Variants in SPRYD4 observed in about 807,000 individuals in gnomAD.
The protein encoded by SPRYD4 is SPRY domain containing 4.
Under a neutral mutation model 16.6 loss-of-function variants are expected in SPRYD4, and 12 were observed. The ratio of observed to expected loss-of-function variants is 0.72; its 90% CI spans 0.46 to 1.17. The LOEUF (loss-of-function observed/expected upper bound fraction) is 1.17. Among genes scored for constraint, SPRYD4 ranks in the 50% most tolerant of loss-of-function variants. SPRYD4 has a pLI of 0.00. For synonymous variants in SPRYD4, 98 were observed against 105.4 expected (o/e 0.93, Z 0.43); for missense variants, 260 against 260.2 (o/e 1.00, Z 0.00).
Position 56,470,008 on chromosome 12 carries a change from A to T in SPRYD4, c.*431A>T. 1 of 169,066 alleles carries T rather than the reference A, an allele frequency of 5.9e-6. No homozygotes were observed. Among genetic ancestry groups the T allele is most frequent in the Non-Finnish European group, 1.3e-5 (1 of 76,368 alleles). 10.5% of individuals were successfully genotyped at this position (169,066 alleles called of 1,614,324 possible). A position where few individuals can be genotyped will look rare whatever the true frequency, so the allele number is the denominator to read the frequency against. ...GATGGCTGAAGAGTAAATCCTTTCTACCTCTGGCTGAAGGAGTGGTGCAGT... is the reference window on the plus strand; with the variant it reads ...GATGGCTGAAGAGTAAATCCTTTCTTCCTCTGGCTGAAGGAGTGGTGCAGT... On this transcript the variant is annotated 3_prime_UTR_variant, in exon 2 of 2. Transcript: ENST00000338146.
In SPRYD4 at chr12:56,472,506, C is replaced by T. The variant is rs1869375150; in HGVS notation, c.*2929C>T. Reference sequence around the variant, plus strand: ...AATAACAATGGCTAACATTAATTATCATAGAGCAGACAGTTTACTTTTTTT... The same window carrying T: ...AATAACAATGGCTAACATTAATTATTATAGAGCAGACAGTTTACTTTTTTT... On this transcript the variant is annotated 3_prime_UTR_variant, in exon 2 of 2. Coordinates refer to ENST00000338146, the MANE Select transcript of SPRYD4 (RefSeq NM_207344.4). 1 of 624,878 alleles carries T rather than the reference C, an allele frequency of 1.6e-6. No individual in the cohort carries two copies. Among genetic ancestry groups the T allele is most frequent in the East Asian group, 2.8e-5 (1 of 36,118 alleles). 38.7% of individuals were successfully genotyped at this position (624,878 alleles called of 1,614,324 possible). A position where few individuals can be genotyped will look rare whatever the true frequency, so the allele number is the denominator to read the frequency against.
rs372265724 is a variant in SPRYD4 at position 56,475,944 on chromosome 12, C to T, written c.*6367C>T. 2 of 1,613,724 alleles carry T rather than the reference C, an allele frequency of 1.2e-6. No homozygotes were observed. Among genetic ancestry groups the T allele is most frequent in the East Asian group, 4.5e-5 (2 of 44,876 alleles). On this transcript the variant is annotated 3_prime_UTR_variant, in exon 2 of 2. Coordinates refer to ENST00000338146, the MANE Select transcript of SPRYD4 (RefSeq NM_207344.4). ...AGGGGCTAAGTAGCAAGGGAACTTA[C>T]AAAATCAAACTTCTCTGCTTTGTTA...
rs1158812383 is a variant in SPRYD4 at position 56,469,220 on chromosome 12, C to G, written c.267C>G (p.Tyr89Ter). 6.2e-7 allele frequency: 1 copy of G among 1,613,956 alleles called. No homozygotes were observed. Among genetic ancestry groups the G allele is most frequent in the African/African-American group, 1.3e-5 (1 of 74,890 alleles). Residue 89 changes from tyrosine (Y) to a stop codon, truncating the protein, a stop_gained, in exon 2 of 2, where the codon TAC becomes TAG. Coordinates refer to ENST00000338146, the MANE Select transcript of SPRYD4 (RefSeq NM_207344.4). LOFTEE classifies it high-confidence loss of function. ...ADTAVTSGRH[Y>*]WEVTVKRSQQ... ...CAGCGGTCACCAGTGGCAGACACTA[C>G]TGGGAAGTGACAGTGAAGCGCTCCC...
At position 56,472,930 on chromosome 12, in the gene SPRYD4, CAGGCTGA is replaced by C; in HGVS notation, c.*3356_*3362del. 5.5e-6 allele frequency: 3 copies of C among 547,808 alleles called. No homozygotes were observed. Among genetic ancestry groups the C allele is most frequent in the Non-Finnish European group, 9.3e-6 (3 of 321,508 alleles). The allele number at this position is 547,808 out of a possible 1,614,324, so 33.9% of individuals were successfully genotyped here. On this transcript the variant is annotated 3_prime_UTR_variant, in exon 2 of 2. Coordinates refer to ENST00000338146, the MANE Select transcript of SPRYD4 (RefSeq NM_207344.4). ...TGAGACGGAGTCTCGCTCTGTCGTT[CAGGCTGA>C]AGTGTAGTGGCGCGCGGTCTTGGCT...
chr12:56,473,460 C>T lies in SPRYD4; in HGVS notation c.*3883C>T. On this transcript the variant is annotated 3_prime_UTR_variant, in exon 2 of 2. Coordinates refer to ENST00000338146, the MANE Select transcript of SPRYD4 (RefSeq NM_207344.4). ...AGTAAGTACTATATGCAAAGCATCT[C>T]ACCTGGCAGAAGCTGGTCCCCCTAT... 3 of 1,610,262 alleles carry T rather than the reference C, an allele frequency of 1.9e-6. No individual in the cohort carries two copies. Among genetic ancestry groups the T allele is most frequent in the Non-Finnish European group, 2.5e-6 (3 of 1,177,726 alleles).
chr12:56,474,428 T>G lies in SPRYD4; in HGVS notation c.*4851T>G. On this transcript the variant is annotated 3_prime_UTR_variant, in exon 2 of 2. Transcript: ENST00000338146. ...AGGAGTCTCAACCTAATTGCCTTCC[T>G]GGAAGTTAGTGAATGAGAGGCAGGA... 7.6e-7 allele frequency: 1 copy of G among 1,317,096 alleles called. No individual in the cohort carries two copies. Among genetic ancestry groups the G allele is most frequent in the South Asian group, 1.3e-5 (1 of 75,154 alleles). 81.6% of individuals were successfully genotyped at this position (1,317,096 alleles called of 1,614,324 possible). A position where few individuals can be genotyped will look rare whatever the true frequency, so the allele number is the denominator to read the frequency against.
At position 56,478,978 on chromosome 12, in the gene SPRYD4, T is replaced by A. The variant is rs1399105963; in HGVS notation, c.*9401T>A. On this transcript the variant is annotated 3_prime_UTR_variant, in exon 2 of 2. Transcript: ENST00000338146. ...CAGCCCGGGTGACAGAGCAAAACTC[T>A]GTCTCAGGAAAAAAAAAAAAAAAAA... The A allele has an allele frequency of 6.6e-7, 1 of 1,509,410 alleles. No homozygotes were observed. The highest frequency in any genetic ancestry group is 8.8e-7 in the Non-Finnish European group (1 of 1,134,054). 93.5% of individuals were successfully genotyped at this position (1,509,410 alleles called of 1,614,324 possible). A position where few individuals can be genotyped will look rare whatever the true frequency, so the allele number is the denominator to read the frequency against.
chr12:56,475,570 G>A lies in SPRYD4; in HGVS notation c.*5993G>A, dbSNP rs1028588578. ...CCCATTCCTCTTGTCCCCATCCTAA[G>A]TACACACACATACACCACAATGCTT... On this transcript the variant is annotated 3_prime_UTR_variant, in exon 2 of 2. Transcript: ENST00000338146. 38 of 1,563,840 alleles carry A rather than the reference G, an allele frequency of 2.4e-5. No individual in the cohort carries two copies. The highest frequency in any genetic ancestry group is 2.9e-5 in the Non-Finnish European group (33 of 1,136,152).
Position 56,479,238 on chromosome 12 carries a change from C to T in SPRYD4, c.*9661C>T. 6.3e-7 allele frequency: 1 copy of T among 1,590,484 alleles called. No homozygotes were observed. Among genetic ancestry groups the T allele is most frequent in the Non-Finnish European group, 8.5e-7 (1 of 1,170,920 alleles). ...TAGAGAAATGCAGCTGGGACTCACT[C>T]TGGAGCCACGGAAATTGGGAATAAA... On this transcript the variant is annotated 3_prime_UTR_variant, in exon 2 of 2. Transcript: ENST00000338146.
In SPRYD4 at chr12:56,479,248, G is replaced by A. The variant is rs535191996; in HGVS notation, c.*9671G>A. On this transcript the variant is annotated 3_prime_UTR_variant, in exon 2 of 2. Transcript: ENST00000338146. ...CAGCTGGGACTCACTCTGGAGCCACGGAAATTGGGAATAAAGAAGGTTGAG... is the reference window on the plus strand; with the variant it reads ...CAGCTGGGACTCACTCTGGAGCCACAGAAATTGGGAATAAAGAAGGTTGAG... The A allele has an allele frequency of 4.4e-4, 685 of 1,573,650 alleles. 4 individuals carry two copies. In the South Asian group the frequency reaches 6.8e-3, roughly 16 times the overall value.
At position 56,469,487 on chromosome 12, in the gene SPRYD4, A is replaced by C. The variant is rs749586028; in HGVS notation, c.534A>C (p.Thr178=). 1 of 1,614,114 alleles carries C rather than the reference A, an allele frequency of 6.2e-7. No homozygotes were observed. Among genetic ancestry groups the C allele is most frequent in the Non-Finnish European group, 8.5e-7 (1 of 1,180,016 alleles). ...SQVSVVHTLQ[T]DFRGPVVPAF... ...TCTCTGTGGTTCACACGCTACAGAC[A>C]GATTTCCGGGGTCCAGTGGTGCCTG... is the stretch of plus-strand genomic sequence containing the variant. The change falls in exon 2 of 2, where the codon ACA becomes ACC. Residue 178 remains threonine, a synonymous_variant. Transcript: ENST00000338146.
Position 56,475,045 on chromosome 12 carries a change from T to C in SPRYD4, c.*5468T>C. ...TCTCTTCCGGCCTCTTCTGGTTACC[T>C]TCTTTTCCTTGAGATAATAGCCGAT... On this transcript the variant is annotated 3_prime_UTR_variant, in exon 2 of 2. Coordinates refer to ENST00000338146, the MANE Select transcript of SPRYD4 (RefSeq NM_207344.4). 3 of 1,614,178 alleles carry C rather than the reference T, an allele frequency of 1.9e-6. No homozygotes were observed. The highest frequency in any genetic ancestry group is 2.5e-6 in the Non-Finnish European group (3 of 1,180,042).
chr12:56,471,286 C>A lies in SPRYD4; in HGVS notation c.*1709C>A. On this transcript the variant is annotated 3_prime_UTR_variant, in exon 2 of 2. Transcript: ENST00000338146. ...TCTGGATAGCTGTACTGCAGGTGTC[C>A]TCTGAGGCCCTTCTCTGTACTCTGT... The A allele has an allele frequency of 1.8e-6, 1 of 564,506 alleles. No homozygotes were observed. Among genetic ancestry groups the A allele is most frequent in the South Asian group, 2.8e-5 (1 of 35,660 alleles). The allele number at this position is 564,506 out of a possible 1,614,324, so 35.0% of individuals were successfully genotyped here.
Position 56,475,691 on chromosome 12 carries a change from G to C in SPRYD4, c.*6114G>C. ...TTGAGATACTGCAACACCTGGAAGAGAAAAAGGGACATTGAGGCTCCACTT... is the reference window on the plus strand; with the variant it reads ...TTGAGATACTGCAACACCTGGAAGACAAAAAGGGACATTGAGGCTCCACTT... On this transcript the variant is annotated 3_prime_UTR_variant, in exon 2 of 2. Coordinates refer to ENST00000338146, the MANE Select transcript of SPRYD4 (RefSeq NM_207344.4). 6.2e-7 allele frequency: 1 copy of C among 1,613,922 alleles called. No individual in the cohort carries two copies. The highest frequency in any genetic ancestry group is 8.5e-7 in the Non-Finnish European group (1 of 1,179,924).
Position 56,472,734 on chromosome 12 carries a change from G to A in SPRYD4, c.*3157G>A, listed in dbSNP as rs139745938. On this transcript the variant is annotated 3_prime_UTR_variant, in exon 2 of 2. Coordinates refer to ENST00000338146, the MANE Select transcript of SPRYD4 (RefSeq NM_207344.4). ...CGCCACTATAGGCAGCAAATAACAGGTTGACCACAGTCTTGTTCTGGAACA... is the reference window on the plus strand; with the variant it reads ...CGCCACTATAGGCAGCAAATAACAGATTGACCACAGTCTTGTTCTGGAACA... 61 of 1,613,780 alleles carry A rather than the reference G, an allele frequency of 3.8e-5. No homozygotes were observed. In the African/African-American group the frequency reaches 7.7e-4, roughly 20 times the overall value.
Position 56,471,718 on chromosome 12 carries a change from G to A in SPRYD4, c.*2141G>A, listed in dbSNP as rs1869283312. On this transcript the variant is annotated 3_prime_UTR_variant, in exon 2 of 2. Transcript: ENST00000338146. ...GTTGTATATATTTGCATGGTGGCTG[G>A]AGGGTAGGTGGAGAAGCTGTGCCCA... 6.2e-7 allele frequency: 1 copy of A among 1,611,666 alleles called. No individual in the cohort carries two copies.
Position 56,478,425 on chromosome 12 carries a change from A to C in SPRYD4, c.*8848A>C. The C allele has an allele frequency of 1.5e-6, 1 of 662,382 alleles. No homozygotes were observed. The highest frequency in any genetic ancestry group is 3.4e-4 in the Middle Eastern group (1 of 2,900). 41.0% of individuals were successfully genotyped at this position (662,382 alleles called of 1,614,324 possible). A position where few individuals can be genotyped will look rare whatever the true frequency, so the allele number is the denominator to read the frequency against. On this transcript the variant is annotated 3_prime_UTR_variant, in exon 2 of 2. Transcript: ENST00000338146. Reference sequence around the variant, plus strand: ...TGCTCCCAGAAATGCCCGAGCCTTAAGTCCTAGAAGGCCATATCTTTGTGT... The same window carrying C: ...TGCTCCCAGAAATGCCCGAGCCTTACGTCCTAGAAGGCCATATCTTTGTGT...
rs1413532298 is a variant in SPRYD4, at chr12:56,473,056, A to AT, written c.*3485dup. On this transcript the variant is annotated 3_prime_UTR_variant, in exon 2 of 2. Transcript: ENST00000338146. ...AGGCGCGTGCCACCACGTCTGGCTA[A>AT]TTTTTTGTATTTTCAATAGAGACCA... is the stretch of plus-strand genomic sequence containing the variant. The AT allele has an allele frequency of 3.1e-6, 2 of 649,224 alleles. No homozygotes were observed. The highest frequency in any genetic ancestry group is 3.1e-5 in the Admixed American group (1 of 32,624). 40.2% of individuals were successfully genotyped at this position (649,224 alleles called of 1,614,324 possible).
At position 56,478,388 on chromosome 12, in the gene SPRYD4, C is replaced by T; in HGVS notation, c.*8811C>T. 1 of 945,478 alleles carries T rather than the reference C, an allele frequency of 1.1e-6. No individual in the cohort carries two copies. Among genetic ancestry groups the T allele is most frequent in the Non-Finnish European group, 1.6e-6 (1 of 624,152 alleles). 58.6% of individuals were successfully genotyped at this position (945,478 alleles called of 1,614,324 possible). ...TGTCTTCTATAGGGCAGAGGGGTTC[C>T]CTCCTGCCTGTTGCTCCCAGAAATG... On this transcript the variant is annotated 3_prime_UTR_variant, in exon 2 of 2. Coordinates refer to ENST00000338146, the MANE Select transcript of SPRYD4 (RefSeq NM_207344.4).
Sources: allele counts gnomAD v4.1 joint callset, GRCh38; gene constraint gnomAD v4.1.1; transcripts MANE v1.5; gene names NCBI Gene and HGNC (gene_info 2026-07-23, HGNC 2026-07-21).